The following CPXM2 variants were observed in gnomAD, a reference collection of about 807,000 sequenced individuals.
CPXM2 encodes the protein carboxypeptidase X, M14 family member 2, also known as inactive carboxypeptidase-like protein X2.
CPXM2 carries 66 observed loss-of-function variants against 86.1 expected under a neutral mutation model. That is an observed-to-expected ratio of 0.77 (90% confidence interval 0.63 to 0.94). The LOEUF (loss-of-function observed/expected upper bound fraction) is 0.94. CPXM2 is among the 40% of genes least tolerant of loss of function. The pLI is 0.00. For synonymous variants in CPXM2, 388 were observed against 400.2 expected, an observed-to-expected ratio of 0.97 and a Z score of 0.36; for missense variants, 948 against 1,026.3, an observed-to-expected ratio of 0.92 and a Z score of 1.04.
rs1845983942 is a variant in CPXM2 at position 123,747,010 on chromosome 10, A to T, written c.2025T>A (p.Asp675Glu). 6.2e-7 allele frequency: 1 copy of T among 1,613,540 alleles called. No homozygotes were observed. The highest frequency in any genetic ancestry group is 8.5e-7 in the Non-Finnish European group (1 of 1,179,756). ...GINHDIRTANDGDYWRLLNPG... is the reference protein window; with the variant it reads ...GINHDIRTANEGDYWRLLNPG... The stretch of plus-strand genomic sequence containing the variant: ...GGTTCAGGAGGCGCCAGTAATCCCC[A>T]TCGTTGGCTGTGAAAAAGAAAACCA... Residue 675 changes from aspartate to glutamate, a missense_variant, in exon 14 of 14, where the codon GAT (aspartate) becomes GAA (glutamate). Physicochemically the swap from Asp to Glu is conservative, Grantham distance 45. Transcript: ENST00000241305.
intron 13 of CPXM2, chr10:123,751,085 C>G: frequency 5.1e-6 from 5 of 983,800 alleles, no homozygotes; most frequent in Non-Finnish European, 6.0e-6. Context: ...CAAGCCTGTC[C>G]CGCAGACTCT....
chr10:123,869,842 G>A (rs1233485422), intron 2 of CPXM2, among the ~76,000 whole-genome samples: 2 of 152,104 alleles, frequency 1.3e-5, no homozygotes, highest in Non-Finnish European at 2.9e-5. Context: ...TGAACAAACT[G>A]CAAATGTCCA....
At chr10:123,922,557 C>T (rs1945586843) in intron 2 of CPXM2, among the ~76,000 whole-genome samples, 1 of 152,208 alleles carries the variant, frequency 6.6e-6, no homozygotes, top group Admixed American at 6.5e-5. Context: ...CCAACCCAGC[C>T]AGCTTGCACC....
intron 7 of CPXM2, 141 bp from the exon 8 acceptor site, chr10:123,771,180 C>T (rs144532986): frequency 4.9e-4 from 351 of 722,834 alleles, no homozygotes; most frequent in Non-Finnish European, 7.7e-4. Flanking sequence ...CAGCTGCTAT[C>T]GCCTCTGCCC....
chr10:123,842,417 A>G lies in CPXM2; in HGVS notation c.585T>C (p.Ile195=). The change falls in exon 4 of 14, where the codon ATT becomes ATC. Residue 195 remains isoleucine (I), a synonymous_variant. Transcript: ENST00000241305. ...TGGTCAGGCGCCGAGCATCCACTTC[A>G]ATCCACTGCTGGAGGTCATTTCTTC... is the stretch of plus-strand genomic sequence containing the variant. The part of the protein sequence containing the change: ...CAGRNDLQQW[I]EVDARRLTRF... 1 of 1,614,210 alleles carries G rather than the reference A, an allele frequency of 6.2e-7. No homozygotes were observed. Among genetic ancestry groups the G allele is most frequent in the South Asian group, 1.1e-5 (1 of 91,080 alleles).
At chr10:123,832,014 C>T (rs1050413437) in intron 4 of CPXM2, among the ~76,000 whole-genome samples, 1 of 150,934 alleles carries the variant, frequency 6.6e-6, no homozygotes, top group East Asian at 2.0e-4. Context: ...TGGTGCAGGG[C>T]AGTGGTGTGA....
intron 2 of CPXM2, among the ~76,000 whole-genome samples, chr10:123,867,569 TG>T (rs1257277444): frequency 2.0e-5 from 3 of 149,354 alleles, no homozygotes; most frequent in Non-Finnish European, 4.5e-5. Context: ...GTTTCACTCT[TG>T]TCACCCAGGC....
At chr10:123,872,021 C>G (rs1944902858) in intron 2 of CPXM2, among the ~76,000 whole-genome samples, 1 of 151,944 alleles carries the variant, frequency 6.6e-6, no homozygotes, top group Admixed American at 6.6e-5. Context: ...ATATACCCAC[C>G]AATAGGAAGA....
chr10:123,816,547 T>C (rs925396099), intron 4 of CPXM2, among the ~76,000 whole-genome samples: 9 of 152,244 alleles, frequency 5.9e-5, no homozygotes, highest in Admixed American at 1.3e-4. Context: ...TCTTGGGGAA[T>C]GACAGTGGAT....
chr10:123,813,075 C>T (rs532218217), intron 4 of CPXM2, among the ~76,000 whole-genome samples: 19 of 152,074 alleles, frequency 1.2e-4, no homozygotes, highest in South Asian at 6.2e-4. Flanking sequence ...TACAGGAAAA[C>T]GCCACAACTA....
intron 3 of CPXM2, among the ~76,000 whole-genome samples, chr10:123,846,735 G>A (rs1848504139): frequency 6.6e-6 from 1 of 152,202 alleles, no homozygotes; most frequent in Middle Eastern, 3.2e-3. Flanking sequence ...AGGAGACCCA[G>A]AGAGTAGCCC....
chr10:123,840,539 T>G (rs1178509925), intron 4 of CPXM2, among the ~76,000 whole-genome samples: 1 of 152,182 alleles, frequency 6.6e-6, no homozygotes, highest in Non-Finnish European at 1.5e-5. Flanking sequence ...CTGAGTAAAT[T>G]ACAGGCCATT....
At position 123,757,169 on chromosome 10, in the gene CPXM2, C is replaced by A. The variant is rs150986869; in HGVS notation, c.1917+44G>T. On this transcript the variant is annotated intron_variant, in intron 12 of 13. Transcript: ENST00000241305. The stretch of plus-strand genomic sequence containing the variant: ...TTTCAGCCACCTCGGCAGCCTCATC[C>A]CCCAGCTAGTCCCCCTCATCCCAGC... 1.1e-4 allele frequency: 182 copies of A among 1,588,620 alleles called. 2 individuals are homozygous for A. The Middle Eastern group carries it at 2.9e-3, about 25-fold the overall frequency.
chr10:123,837,903 T>C (rs2134145851), intron 4 of CPXM2, among the ~76,000 whole-genome samples: 1 of 152,324 alleles, frequency 6.6e-6, no homozygotes, highest in South Asian at 2.1e-4. Context: ...ATTTCGCTGC[T>C]TCATCTCTCC....
intron 2 of CPXM2, among the ~76,000 whole-genome samples, chr10:123,915,465 G>A (rs1945527472): frequency 6.6e-6 from 1 of 152,226 alleles, no homozygotes; most frequent in Admixed American, 6.5e-5. Flanking sequence ...GGCTAAGGCA[G>A]GAGAATCACT....
chr10:123,911,549 C>T (rs924628115), intron 2 of CPXM2, among the ~76,000 whole-genome samples: 1 of 151,582 alleles, frequency 6.6e-6, no homozygotes, highest in Non-Finnish European at 1.5e-5. Flanking sequence ...ATTACTTTCG[C>T]ACCAACCTAA....
At chr10:123,908,228 G>C (rs1283356148) in intron 2 of CPXM2, among the ~76,000 whole-genome samples, 1 of 151,760 alleles carries the variant, frequency 6.6e-6, no homozygotes, top group African/African-American at 2.4e-5. Context: ...GCCGCAGGTG[G>C]GAAGGAGAGA....
intron 2 of CPXM2, among the ~76,000 whole-genome samples, chr10:123,899,370 G>A (rs376388995): frequency 2.8e-4 from 43 of 152,308 alleles, no homozygotes; most frequent in South Asian, 4.1e-4. Flanking sequence ...GTAATTTATC[G>A]TGTCAACAGA....
chr10:123,833,578 G>A (rs530183262), intron 4 of CPXM2, among the ~76,000 whole-genome samples: 1 of 152,306 alleles, frequency 6.6e-6, no homozygotes, highest in East Asian at 1.9e-4. Context: ...TGTCCAGACC[G>A]CACTCATGGC....
Sources: allele counts gnomAD v4.1 joint callset (sites outside exome capture counted in the v4.1 genomes callset), GRCh38; gene constraint gnomAD v4.1.1; transcripts MANE v1.5; gene names NCBI Gene and HGNC (gene_info 2026-07-23, HGNC 2026-07-21).